Variants in TAFA4 observed in about 807,000 individuals in gnomAD.
TAFA4 encodes the protein TAFA chemokine like family member 4, also known as chemokine-like protein TAFA-4.
TAFA4 carries 20 observed loss-of-function variants against 21.1 expected under a neutral mutation model. That is an observed-to-expected ratio of 0.95 (90% CI 0.67 to 1.38). The LOEUF is 1.38. TAFA4 is among the 40% of genes most tolerant of loss of function. The pLI is 0.00. For synonymous variants in TAFA4, 71 were observed against 67.4 expected (o/e 1.05, Z -0.26); for missense variants, 211 against 180.9 (o/e 1.17, Z -0.95).
At chr3:68,775,503 C>T (rs556547172) in intron 3 of TAFA4, among the ~76,000 whole-genome samples, 8 of 152,248 alleles carry the variant, frequency 5.3e-5, no homozygotes, top group Admixed American at 6.5e-5. Flanking sequence ...AAACAGTACC[C>T]CTGTTCCCAA....
chr3:68,762,752 G>A (rs576264841), intron 3 of TAFA4, among the ~76,000 whole-genome samples: 5 of 152,324 alleles, frequency 3.3e-5, no homozygotes, highest in African/African-American at 7.2e-5. Context: ...TAAAAGTGAT[G>A]TTGGGGCCGG....
intron 3 of TAFA4, among the ~76,000 whole-genome samples, chr3:68,831,334 C>T (rs926032212): frequency 1.3e-5 from 2 of 152,174 alleles, no homozygotes; most frequent in Non-Finnish European, 2.9e-5. Context: ...ACCGTTGTCC[C>T]TTTCCATGTT....
chr3:68,810,088 TC>T (rs2106842500), intron 3 of TAFA4, among the ~76,000 whole-genome samples: 1 of 152,340 alleles, frequency 6.6e-6, no homozygotes, highest in African/African-American at 2.4e-5. Context: ...ATTTTAGAAT[TC>T]TTTTTTCCTA....
Position 68,921,585 on chromosome 3 carries a change from T to C in TAFA4, c.-123+10655A>G, listed in dbSNP as rs569933506. ...ACTTTCCATACCCCCTCAAGTCCTA[T>C]AACTCTGTCTACAACTCCATCTTCT... On this transcript the variant is annotated intron_variant, in intron 1 of 5. Coordinates refer to ENST00000295569, the MANE Select transcript of TAFA4 (RefSeq NM_182522.5). Among the ~76,000 whole-genome samples the C allele has an allele frequency of 6.2e-4, 95 of 152,324 alleles. 1 individual carries two copies. Among genetic ancestry groups the C allele is most frequent in the Admixed American group, 6.2e-3 (95 of 15,300 alleles).
intron 3 of TAFA4, among the ~76,000 whole-genome samples, chr3:68,810,446 C>T (rs1033227370): frequency 1.3e-5 from 2 of 152,168 alleles, no homozygotes; most frequent in African/African-American, 4.8e-5. Flanking sequence ...TGACAGACGG[C>T]ATCTGGAAAA....
intron 1 of TAFA4, among the ~76,000 whole-genome samples, chr3:68,896,905 T>C (rs2089795706): frequency 6.6e-6 from 1 of 152,178 alleles, no homozygotes; most frequent in Non-Finnish European, 1.5e-5. Context: ...TTGTTTTTGT[T>C]TAGTTTTGTT....
intron 3 of TAFA4, among the ~76,000 whole-genome samples, chr3:68,778,899 A>C (rs1342299271): frequency 6.6e-6 from 1 of 152,240 alleles, no homozygotes; most frequent in East Asian, 1.9e-4. Context: ...ACTAGGTAAC[A>C]GGCAGAGGTT....
intron 1 of TAFA4, among the ~76,000 whole-genome samples, chr3:68,914,584 C>T (rs78506015): frequency 0.012 from 1,890 of 152,242 alleles, 37 homozygotes; most frequent in African/African-American, 0.043. Flanking sequence ...TCGTGATGCA[C>T]TTCATCAATT....
intron 3 of TAFA4, among the ~76,000 whole-genome samples, chr3:68,785,453 C>G (rs541548700): frequency 6.6e-5 from 10 of 152,336 alleles, no homozygotes; most frequent in African/African-American, 2.4e-4. Flanking sequence ...GGTCCCAAGC[C>G]CTGCCCCGCG....
In TAFA4 at chr3:68,845,815, A is replaced by G. The variant is rs567826463; in HGVS notation, c.130+34915T>C. 2.6e-5 allele frequency among the ~76,000 whole-genome samples: 4 copies of G among 152,210 alleles called. No homozygotes were observed. In the South Asian group the frequency reaches 8.3e-4, roughly 32 times the overall value. On this transcript the variant is annotated intron_variant, in intron 3 of 5. Coordinates refer to ENST00000295569, the MANE Select transcript of TAFA4 (RefSeq NM_182522.5). ...CTGGATGTGAAATTCTGGGTTGAAAATTCTTTTAAGGATGTTGAATATTGG... is the reference window on the plus strand; with the variant it reads ...CTGGATGTGAAATTCTGGGTTGAAAGTTCTTTTAAGGATGTTGAATATTGG...
chr3:68,742,496 A>C (rs1702376792), intron 4 of TAFA4, among the ~76,000 whole-genome samples: 1 of 152,154 alleles, frequency 6.6e-6, no homozygotes, highest in South Asian at 2.1e-4. Context: ...CTTTTTATTG[A>C]GGGCCAGGCA....
At chr3:68,875,838 C>T (rs1379111919) in intron 3 of TAFA4, among the ~76,000 whole-genome samples, 4 of 151,984 alleles carry the variant, frequency 2.6e-5, no homozygotes, top group Non-Finnish European at 4.4e-5. Context: ...GGAAACAGAA[C>T]TCTTCCCCAT....
At chr3:68,865,013 G>C (rs1247352369) in intron 3 of TAFA4, among the ~76,000 whole-genome samples, 1 of 152,016 alleles carries the variant, frequency 6.6e-6, no homozygotes, top group African/African-American at 2.4e-5. Flanking sequence ...GGGGTGAAGG[G>C]TTTATTCATT....
intron 3 of TAFA4, among the ~76,000 whole-genome samples, chr3:68,795,473 A>G (rs1408853967): frequency 6.6e-6 from 1 of 152,158 alleles, no homozygotes; most frequent in Non-Finnish European, 1.5e-5. Context: ...CCACTGATTT[A>G]GTCACGAGTT....
chr3:68,832,364 G>T (rs1553645573), intron 3 of TAFA4, among the ~76,000 whole-genome samples: 1 of 152,206 alleles, frequency 6.6e-6, no homozygotes, highest in Non-Finnish European at 1.5e-5. Flanking sequence ...ATGGGGTTTT[G>T]GTGTGGATGT....
intron 3 of TAFA4, among the ~76,000 whole-genome samples, chr3:68,810,710 G>A (rs1703816121): frequency 6.6e-6 from 1 of 152,208 alleles, no homozygotes; most frequent in African/African-American, 2.4e-5. Flanking sequence ...GCAGCTCAAG[G>A]AGGACTGTCT....
At chr3:68,870,435 C>G (rs1233647695) in intron 3 of TAFA4, among the ~76,000 whole-genome samples, 1 of 152,086 alleles carries the variant, frequency 6.6e-6, no homozygotes, top group Non-Finnish European at 1.5e-5. Flanking sequence ...AGGCATCACA[C>G]TACTTGACTT....
intron 3 of TAFA4, among the ~76,000 whole-genome samples, chr3:68,776,860 C>A (rs1237313815): frequency 1.3e-5 from 2 of 151,956 alleles, no homozygotes; most frequent in African/African-American, 4.8e-5. Flanking sequence ...ATCAGAAAAA[C>A]CATTTGGAAA....
chr3:68,807,261 T>C (rs977151810), intron 3 of TAFA4, among the ~76,000 whole-genome samples: 2 of 152,168 alleles, frequency 1.3e-5, no homozygotes, highest in Non-Finnish European at 2.9e-5. Flanking sequence ...TGAACAAAGA[T>C]TATCAAAAGA....
Sources: gnomAD v4.1 joint callset for allele counts (sites outside exome capture counted in the v4.1 genomes callset) on GRCh38, gnomAD v4.1.1 for gene constraint, MANE v1.5 for transcripts, NCBI Gene and HGNC (gene_info 2026-07-23, HGNC 2026-07-21) for gene names.